Variants in LUZP2 observed in about 807,000 individuals in gnomAD.
The protein encoded by LUZP2 is leucine zipper protein 2.
Under a neutral mutation model 51.6 loss-of-function variants are expected in LUZP2, and 52 were observed. That is an observed-to-expected ratio of 1.01 (90% CI 0.81 to 1.27). The LOEUF (loss-of-function observed/expected upper bound fraction) is 1.27. Among genes scored for constraint, LUZP2 ranks in the 50% most tolerant of loss-of-function variants. The pLI is 0.00. For missense variants in LUZP2, 436 were observed against 395.4 expected (o/e 1.10, Z -0.87); for synonymous variants, 154 against 137.3 (o/e 1.12, Z -0.85).
intron 4 of LUZP2, among the ~76,000 whole-genome samples, chr11:24,758,547 C>T (rs1219265973): frequency 6.6e-6 from 1 of 151,850 alleles, no homozygotes; most frequent in Non-Finnish European, 1.5e-5. Context: ...ATATTTATAA[C>T]TTTTTTATTG....
At chr11:24,728,025 T>G (rs1320848331) in intron 1 of LUZP2, among the ~76,000 whole-genome samples, 1 of 152,068 alleles carries the variant, frequency 6.6e-6, no homozygotes, top group Non-Finnish European at 1.5e-5. Flanking sequence ...TTACCTATCA[T>G]GGGTTCAATG....
At chr11:24,702,082 G>A (rs1006134440) in intron 1 of LUZP2, among the ~76,000 whole-genome samples, 3 of 152,040 alleles carry the variant, frequency 2.0e-5, no homozygotes, top group South Asian at 4.1e-4. Context: ...CATTGTTAAC[G>A]TGCTGTGAAA....
chr11:24,717,541 G>T (rs1858098660), intron 1 of LUZP2, among the ~76,000 whole-genome samples: 1 of 151,018 alleles, frequency 6.6e-6, no homozygotes, highest in African/African-American at 2.4e-5. Context: ...CCGAGTAGCT[G>T]GGACTACAGG....
At chr11:24,575,597 A>G (rs889193686) in intron 1 of LUZP2, among the ~76,000 whole-genome samples, 1 of 152,142 alleles carries the variant, frequency 6.6e-6, no homozygotes, top group African/African-American at 2.4e-5. Context: ...TTCAAACACT[A>G]TTTTAAGCAC....
chr11:24,916,694 A>G (rs1007144248), intron 7 of LUZP2, among the ~76,000 whole-genome samples: 3 of 152,296 alleles, frequency 2.0e-5, no homozygotes, highest in African/African-American at 4.8e-5. Flanking sequence ...ATAGTATTCC[A>G]TGGTGTATAT....
intron 1 of LUZP2, among the ~76,000 whole-genome samples, chr11:24,671,936 CAGT>C (rs1856413512): frequency 6.6e-6 from 1 of 151,798 alleles, no homozygotes; most frequent in South Asian, 2.1e-4. Flanking sequence ...TGCTTGCTCT[CAGT>C]AGGAAAAAAA....
At chr11:24,658,533 A>C (rs1293968713) in intron 1 of LUZP2, among the ~76,000 whole-genome samples, 3 of 152,202 alleles carry the variant, frequency 2.0e-5, no homozygotes, top group African/African-American at 7.2e-5. Flanking sequence ...TTCATGTCTA[A>C]AACACCAAAA....
At chr11:24,886,920 G>A (rs1337028361) in intron 5 of LUZP2, among the ~76,000 whole-genome samples, 1 of 152,196 alleles carries the variant, frequency 6.6e-6, no homozygotes, top group Non-Finnish European at 1.5e-5. Context: ...GTCACTAATG[G>A]AAAATGAAGG....
chr11:24,734,224 G>A (rs2133976024), intron 3 of LUZP2, among the ~76,000 whole-genome samples: 1 of 148,732 alleles, frequency 6.7e-6, no homozygotes, highest in East Asian at 2.0e-4. Context: ...AGAAAATAAA[G>A]TCAGCCTTTC....
chr11:24,559,558 T>G (rs78644831), intron 1 of LUZP2, among the ~76,000 whole-genome samples: 3 of 152,182 alleles, frequency 2.0e-5, no homozygotes, highest in African/African-American at 7.2e-5. Context: ...TTCTCACATC[T>G]TTTCCATGCC....
intron 1 of LUZP2, among the ~76,000 whole-genome samples, chr11:24,681,211 G>A (rs1029785612): frequency 6.6e-6 from 1 of 151,974 alleles, no homozygotes; most frequent in Non-Finnish European, 1.5e-5. Context: ...TCGATCTCCT[G>A]ACCTCATGAT....
At chr11:24,886,724 G>T (rs1852677160) in intron 5 of LUZP2, among the ~76,000 whole-genome samples, 1 of 152,084 alleles carries the variant, frequency 6.6e-6, no homozygotes, top group Admixed American at 6.6e-5. Context: ...GTGAAAAATT[G>T]TGCATCTAAG....
chr11:24,728,928 A>T (rs1403488922), intron 1 of LUZP2, among the ~76,000 whole-genome samples: 1 of 151,962 alleles, frequency 6.6e-6, no homozygotes, highest in African/African-American at 2.4e-5. Context: ...ACATAGATAG[A>T]TGTCTATGTC....
intron 7 of LUZP2, among the ~76,000 whole-genome samples, chr11:24,925,178 CAA>C (rs1854189057): frequency 6.6e-6 from 1 of 152,098 alleles, no homozygotes; most frequent in South Asian, 2.1e-4. Context: ...CTTATTGCTA[CAA>C]AGAGTCTGCT....
intron 1 of LUZP2, among the ~76,000 whole-genome samples, chr11:24,569,024 A>G (rs1477697390): frequency 6.6e-6 from 1 of 151,408 alleles, no homozygotes; most frequent in Non-Finnish European, 1.5e-5. Flanking sequence ...AAAACAAAAC[A>G]GAAGTTAAAG....
chr11:25,047,129 G>A (rs1027119120), intron 9 of LUZP2, among the ~76,000 whole-genome samples: 1 of 152,086 alleles, frequency 6.6e-6, no homozygotes, highest in African/African-American at 2.4e-5. Context: ...CATTCTTCAT[G>A]ATTTTGCAGC....
At chr11:24,610,018 A>T (rs1025624787) in intron 1 of LUZP2, among the ~76,000 whole-genome samples, 1 of 152,204 alleles carries the variant, frequency 6.6e-6, no homozygotes, top group Non-Finnish European at 1.5e-5. Context: ...ACAACAACTG[A>T]GGCAGACAAT....
intron 7 of LUZP2, among the ~76,000 whole-genome samples, chr11:24,935,853 A>C (rs1397917938): frequency 6.6e-6 from 1 of 152,190 alleles, no homozygotes; most frequent in African/African-American, 2.4e-5. Flanking sequence ...ATAATTTTTA[A>C]AAGAGCCTTT....
chr11:24,765,629 C>CTT (rs762443498), intron 5 of LUZP2, among the ~76,000 whole-genome samples: 33 of 133,030 alleles, frequency 2.5e-4, no homozygotes, highest in Non-Finnish European at 3.7e-4. Context: ...TTTCTTTTTT[C>CTT]TTTTTTTTTT....
Sources: allele counts gnomAD v4.1 joint callset (sites outside exome capture counted in the v4.1 genomes callset), GRCh38; gene constraint gnomAD v4.1.1; transcripts MANE v1.5; gene names NCBI Gene and HGNC (gene_info 2026-07-23, HGNC 2026-07-21).